The following TMEM132B variants were observed in gnomAD, a reference collection of about 807,000 sequenced individuals.
TMEM132B encodes transmembrane protein 132B.
In TMEM132B, 18 loss-of-function variants were observed where a neutral mutation model predicts 90.8. The ratio of observed to expected loss-of-function variants is 0.20; its 90% CI spans 0.14 to 0.29. The LOEUF is 0.29. TMEM132B is among the 10% of genes least tolerant of loss of function. The pLI, the probability that TMEM132B is intolerant of heterozygous loss-of-function variation, is 1.00. For missense variants in TMEM132B, 1,096 were observed against 1,326.8 expected (o/e 0.83, Z 2.70); for synonymous variants, 504 against 523.3 (o/e 0.96, Z 0.50).
At chr12:125,304,800 C>T (rs1301439136) in intron 1 of TMEM132B, among the ~76,000 whole-genome samples, 1 of 152,066 alleles carries the variant, frequency 6.6e-6, no homozygotes, top group African/African-American at 2.4e-5. Context: ...CTGTGAATAG[C>T]CACTGCACTC....
At chr12:125,244,398 T>C (rs1874161032) in intron 1 of TMEM132B, among the ~76,000 whole-genome samples, 1 of 152,184 alleles carries the variant, frequency 6.6e-6, no homozygotes, top group Non-Finnish European at 1.5e-5. Flanking sequence ...GGGGAGAGGA[T>C]GGCACAGCTC....
At chr12:125,284,422 G>C (rs1330417544) in intron 1 of TMEM132B, among the ~76,000 whole-genome samples, 1 of 152,218 alleles carries the variant, frequency 6.6e-6, no homozygotes, top group Non-Finnish European at 1.5e-5. Context: ...AGCTGTAGCA[G>C]TGGACAGAAC....
chr12:125,357,982 G>A (rs1169985804), intron 2 of TMEM132B, among the ~76,000 whole-genome samples: 6 of 152,182 alleles, frequency 3.9e-5, no homozygotes, highest in East Asian at 1.9e-4. Flanking sequence ...GCGTTCTCCC[G>A]GTGCCCTGGA....
rs554548871 is a variant in TMEM132B at position 125,308,369 on chromosome 12, C to T, written c.68-41083C>T. ...TATATTGTTCTGGAATATGGAACTG[C>T]TCTGGACACCTTAGCTATTCCCCAC... is the stretch of plus-strand genomic sequence containing the variant. On this transcript the variant is annotated intron_variant, in intron 1 of 8. Coordinates refer to ENST00000682704, the MANE Select transcript of TMEM132B (RefSeq NM_001366854.1). Among the ~76,000 whole-genome samples, 11 of 152,176 alleles carry T rather than the reference C, an allele frequency of 7.2e-5. 1 individual carries two copies. The highest frequency in any genetic ancestry group is 2.2e-4 in the African/African-American group (9 of 41,526).
At chr12:125,602,001 C>T (rs1420335598) in intron 5 of TMEM132B, among the ~76,000 whole-genome samples, 2 of 152,126 alleles carry the variant, frequency 1.3e-5, no homozygotes, top group Non-Finnish European at 2.9e-5. Context: ...AGCCCAGAAC[C>T]AGACAGATTC....
intron 4 of TMEM132B, among the ~76,000 whole-genome samples, chr12:125,520,308 C>T (rs570814124): frequency 2.0e-5 from 3 of 152,288 alleles, no homozygotes; most frequent in East Asian, 3.9e-4. Context: ...TGCTTAATAC[C>T]CTTTTCCACA....
At chr12:125,299,392 C>T (rs1421396430) in intron 1 of TMEM132B, among the ~76,000 whole-genome samples, 2 of 152,150 alleles carry the variant, frequency 1.3e-5, no homozygotes, top group Non-Finnish European at 2.9e-5. Context: ...CCCCATCCAT[C>T]TCCCTGACCT....
chr12:125,337,898 G>A (rs1014254488), intron 1 of TMEM132B, among the ~76,000 whole-genome samples: 17 of 152,086 alleles, frequency 1.1e-4, no homozygotes, highest in Admixed American at 8.5e-4. Context: ...CCCAAAGTCC[G>A]CCACTTCTAG....
intron 3 of TMEM132B, among the ~76,000 whole-genome samples, chr12:125,439,959 A>T (rs1880821360): frequency 6.6e-6 from 1 of 152,170 alleles, no homozygotes; most frequent in African/African-American, 2.4e-5. Flanking sequence ...TATTTATGTG[A>T]TGAATCACAT....
intron 1 of TMEM132B, among the ~76,000 whole-genome samples, chr12:125,267,004 G>A (rs1039797387): frequency 2.0e-5 from 3 of 152,148 alleles, no homozygotes; most frequent in Admixed American, 2.0e-4. Flanking sequence ...AAGCAGGCCA[G>A]GCATTTGAAT....
chr12:125,554,427 TAAAAAAAAAA>T lies in TMEM132B; in HGVS notation c.1294-29406_1294-29397del, dbSNP rs71447048. On this transcript the variant is annotated intron_variant, in intron 4 of 8. Transcript: ENST00000682704. Reference sequence around the variant, plus strand: ...GCGACAAAGTGAGACTCCATTTCATTAAAAAAAAAAAAAAAAAAAAAAAAAAAGATTTATC... The same window carrying T: ...GCGACAAAGTGAGACTCCATTTCATTAAAAAAAAAAAAAAAAAGATTTATC... Among the ~76,000 whole-genome samples the T allele has an allele frequency of 1.3e-4, 9 of 69,508 alleles. No homozygotes were observed. In the East Asian group the frequency reaches 3.4e-3, roughly 26 times the overall value. The allele number at this position is 69,508 out of a possible 152,430, so 45.6% of individuals were successfully genotyped here.
At chr12:125,563,153 A>G (rs1339293108) in intron 4 of TMEM132B, among the ~76,000 whole-genome samples, 1 of 115,506 alleles carries the variant, frequency 8.7e-6, no homozygotes, top group Non-Finnish European at 2.0e-5. Flanking sequence ...ATGCGTAATA[A>G]TAATAATAAT....
intron 1 of TMEM132B, among the ~76,000 whole-genome samples, chr12:125,241,727 C>A (rs1197699920): frequency 2.0e-5 from 3 of 152,168 alleles, no homozygotes; most frequent in Non-Finnish European, 4.4e-5. Context: ...GTTTCTGCTG[C>A]TAGAAGCCGT....
intron 1 of TMEM132B, among the ~76,000 whole-genome samples, chr12:125,274,331 G>A (rs552330301): frequency 1.3e-5 from 2 of 152,204 alleles, no homozygotes; most frequent in Admixed American, 6.5e-5. Flanking sequence ...CAATCAACAA[G>A]GCTGCTGTGA....
At chr12:125,615,011 T>A (rs1319045642) in intron 5 of TMEM132B, among the ~76,000 whole-genome samples, 2 of 152,190 alleles carry the variant, frequency 1.3e-5, no homozygotes, top group Admixed American at 6.6e-5. Flanking sequence ...GTCCTCAGGT[T>A]TTATTATTTC....
intron 5 of TMEM132B, among the ~76,000 whole-genome samples, chr12:125,623,846 A>G (rs1886169160): frequency 6.6e-6 from 1 of 152,086 alleles, no homozygotes; most frequent in Admixed American, 6.5e-5. Context: ...TTTTAACCTC[A>G]CCTTCAGTGT....
chr12:125,533,367 A>T (rs1883698647), intron 4 of TMEM132B, among the ~76,000 whole-genome samples: 1 of 152,238 alleles, frequency 6.6e-6, no homozygotes, highest in Non-Finnish European at 1.5e-5. Context: ...GCCACTGGCC[A>T]ATCGGAATAG....
At chr12:125,588,749 G>A (rs967461106) in intron 5 of TMEM132B, among the ~76,000 whole-genome samples, 3 of 152,112 alleles carry the variant, frequency 2.0e-5, no homozygotes, top group African/African-American at 7.2e-5. Context: ...GGGAGTTTTG[G>A]GGGAAGTCTA....
At chr12:125,202,250 G>A (rs1231742324) in intron 1 of TMEM132B, among the ~76,000 whole-genome samples, 1 of 152,250 alleles carries the variant, frequency 6.6e-6, no homozygotes, top group African/African-American at 2.4e-5. Context: ...TAGGATGTGA[G>A]CCTAGAGGTA....
Sources: allele counts gnomAD v4.1 joint callset (sites outside exome capture counted in the v4.1 genomes callset), GRCh38; gene constraint gnomAD v4.1.1; transcripts MANE v1.5; gene names NCBI Gene and HGNC (gene_info 2026-07-23, HGNC 2026-07-21).